C12orf54: variants seen among roughly 807,000 people sequenced by gnomAD.
C12orf54 encodes the protein uncharacterized protein C12orf54.
A neutral mutation model predicts 26.4 loss-of-function variants in C12orf54; 24 were observed. That is an observed-to-expected ratio of 0.91 (90% CI 0.66 to 1.28). The LOEUF (loss-of-function observed/expected upper bound fraction) is 1.28. Ranked by LOEUF, C12orf54 falls within the 50% of genes most tolerant of loss-of-function variation. C12orf54 has a pLI of 0.00. For synonymous variants in C12orf54, 54 were observed against 47.0 expected, an observed-to-expected ratio of 1.15 and a Z score of -0.61; for missense variants, 154 against 150.9, an observed-to-expected ratio of 1.02 and a Z score of -0.11.
chr12:48,494,593 T>A (rs1439078919), intron 7 of C12orf54, among the ~76,000 whole-genome samples: 1 of 152,164 alleles, frequency 6.6e-6, no homozygotes, highest in African/African-American at 2.4e-5. Flanking sequence ...TAGGTTATGA[T>A]GCTTCATCTC....
the C12orf54 span, among the ~76,000 whole-genome samples, chr12:48,420,345 C>G: frequency 6.6e-6 from 1 of 152,214 alleles, no homozygotes; most frequent in Non-Finnish European, 1.5e-5. Context: ...CCTCAACATT[C>G]ACCTCAGCTT....
chr12:48,473,090 C>T, the C12orf54 span: 2 of 1,613,940 alleles, frequency 1.2e-6, no homozygotes, highest in South Asian at 2.2e-5. Flanking sequence ...TCCTGCAACT[C>T]ACATATCTCA....
the C12orf54 span, among the ~76,000 whole-genome samples, chr12:48,462,641 T>C: frequency 6.6e-6 from 1 of 151,686 alleles, no homozygotes; most frequent in African/African-American, 2.4e-5. Context: ...AATCTTAATA[T>C]GTACAGAAAA....
the C12orf54 span, among the ~76,000 whole-genome samples, chr12:48,472,297 A>G: frequency 6.6e-6 from 1 of 152,188 alleles, no homozygotes. Context: ...TGCTGCAGGA[A>G]GATAAGAATG....
At chr12:48,429,208 A>G in the C12orf54 span, among the ~76,000 whole-genome samples, 1 of 152,124 alleles carries the variant, frequency 6.6e-6, no homozygotes, top group Admixed American at 6.6e-5. Flanking sequence ...CACAGCCAAC[A>G]TAATACTGAA....
chr12:48,479,366 G>A (rs1592196339), upstream of C12orf54, among the ~76,000 whole-genome samples: 2 of 152,234 alleles, frequency 1.3e-5, no homozygotes, highest in Non-Finnish European at 2.9e-5. Context: ...CTGCTGTGTG[G>A]TGGCGGGAGT....
the C12orf54 span, among the ~76,000 whole-genome samples, chr12:48,435,679 A>G: frequency 2.0e-5 from 3 of 152,314 alleles, no homozygotes; most frequent in South Asian, 2.1e-4. Flanking sequence ...TAAGTGAAGG[A>G]GAAATAAAAT....
the C12orf54 span, among the ~76,000 whole-genome samples, chr12:48,477,311 A>G: frequency 6.6e-6 from 1 of 152,228 alleles, no homozygotes; most frequent in South Asian, 2.1e-4. Context: ...TCTAAAATTG[A>G]CACCCTAACA....
the C12orf54 span, among the ~76,000 whole-genome samples, chr12:48,462,601 T>C: frequency 6.6e-6 from 1 of 151,676 alleles, no homozygotes; most frequent in Admixed American, 6.6e-5. Flanking sequence ...ATTAATATTA[T>C]ATACCATATT....
At chr12:48,445,125 A>T in the C12orf54 span, among the ~76,000 whole-genome samples, 1 of 152,100 alleles carries the variant, frequency 6.6e-6, no homozygotes, top group Non-Finnish European at 1.5e-5. Context: ...GTGAGCCAAG[A>T]TCGTGCCACT....
chr12:48,413,557 C>T, the C12orf54 span, among the ~76,000 whole-genome samples: 6 of 152,148 alleles, frequency 3.9e-5, no homozygotes, highest in South Asian at 4.1e-4. Flanking sequence ...AAGCATGCTG[C>T]GCTCCCGTGG....
At chr12:48,485,763 C>A (rs191457274) in intron 2 of C12orf54, among the ~76,000 whole-genome samples, 1 of 152,316 alleles carries the variant, frequency 6.6e-6, no homozygotes. Flanking sequence ...AGGAAAAGAA[C>A]ACTTTTTCGG....
the C12orf54 span, among the ~76,000 whole-genome samples, chr12:48,477,174 A>C: frequency 6.6e-6 from 1 of 152,244 alleles, no homozygotes; most frequent in Non-Finnish European, 1.5e-5. Context: ...TGAAGGCAGA[A>C]ATAAAGATGT....
the C12orf54 span, among the ~76,000 whole-genome samples, chr12:48,468,054 G>C: frequency 6.6e-6 from 1 of 152,070 alleles, no homozygotes; most frequent in African/African-American, 2.4e-5. Context: ...TTCAAATATA[G>C]TTCTTGGTAG....
Position 48,496,328 on chromosome 12 carries a change from A to C in C12orf54, c.*188A>C, listed in dbSNP as rs1301431920. On this transcript the variant is annotated 3_prime_UTR_variant, in exon 9 of 9. Coordinates refer to ENST00000548364, the MANE Select transcript of C12orf54 (RefSeq NM_152319.4). ...ACCCAAGCAAGGAAACCAACTGCCA[A>C]AGCAAGGAAACCAGCTTGGTTTGGC... 6.5e-6 allele frequency: 1 copy of C among 152,688 alleles called. No homozygotes were observed. The highest frequency in any genetic ancestry group is 1.5e-5 in the Non-Finnish European group (1 of 68,058). 9.5% of individuals were successfully genotyped at this position (152,688 alleles called of 1,614,324 possible).
chr12:48,455,081 G>A, the C12orf54 span, among the ~76,000 whole-genome samples: 1 of 152,184 alleles, frequency 6.6e-6, no homozygotes, highest in East Asian at 1.9e-4. Flanking sequence ...GTACCAGACA[G>A]GCAGTTTTTC....
chr12:48,432,414 C>G, the C12orf54 span, among the ~76,000 whole-genome samples: 31 of 152,034 alleles, frequency 2.0e-4, no homozygotes, highest in Non-Finnish European at 1.5e-5. Flanking sequence ...GTTCAGAAAA[C>G]ACAAACAAAA....
Position 48,488,495 on chromosome 12 carries a change from A to AAAAAAC in C12orf54, c.136-429_136-428insAAAAAC. 1.5e-4 allele frequency: 49 copies of AAAAAAC among 334,106 alleles called. 1 individual carries two copies. Among genetic ancestry groups the AAAAAAC allele is most frequent in the South Asian group, 2.6e-4 (10 of 38,022 alleles). The allele number at this position is 334,106 out of a possible 1,614,324, so 20.7% of individuals were successfully genotyped here. On this transcript the variant is annotated intron_variant, in intron 4 of 8. Transcript: ENST00000548364. Reference sequence around the variant, plus strand: ...AAACTTACAGCCAAAAAAAAAAAAAAGAAAGAAAGAAAAGAAAGTGCCGGA... The same window carrying AAAAAAC: ...AAACTTACAGCCAAAAAAAAAAAAAAAAAAACGAAAGAAAGAAAAGAAAGTGCCGGA...
At chr12:48,423,568 C>T in the C12orf54 span, among the ~76,000 whole-genome samples, 7 of 151,942 alleles carry the variant, frequency 4.6e-5, no homozygotes, top group Non-Finnish European at 1.0e-4. Flanking sequence ...CCCATCTGAA[C>T]GCCCCCAAAT....
Sources: gnomAD v4.1 joint callset for allele counts (sites outside exome capture counted in the v4.1 genomes callset) on GRCh38, gnomAD v4.1.1 for gene constraint, MANE v1.5 for transcripts, NCBI Gene and HGNC (gene_info 2026-07-23, HGNC 2026-07-21) for gene names.